The following KLHL26 variants were observed in gnomAD, a reference collection of about 807,000 sequenced individuals.
The protein encoded by KLHL26 is kelch-like protein 26.
Under a neutral mutation model 7.1 loss-of-function variants are expected in KLHL26, and 4 were observed. That is an observed-to-expected ratio of 0.56 (90% CI 0.28 to 1.28). The LOEUF (loss-of-function observed/expected upper bound fraction) is 1.28. KLHL26 is among the 50% of genes most tolerant of loss of function. KLHL26 has a pLI of 0.11. For missense variants in KLHL26, 896 were observed against 924.6 expected (o/e 0.97, Z 0.40); for synonymous variants, 465 against 414.1 (o/e 1.12, Z -1.49).
At chr19:18,643,775 G>A (rs1976756311) in intron 1 of KLHL26, among the ~76,000 whole-genome samples, 1 of 152,052 alleles carries the variant, frequency 6.6e-6, no homozygotes, top group African/African-American at 2.4e-5. Flanking sequence ...ACTGTGTCCG[G>A]CCAAGATGGG....
rs529489142 is a variant in KLHL26 at position 18,660,454 on chromosome 19, C to T, written c.84-3807C>T. ...GACTCACGTGCGGGTGACCGTCACT[C>T]GAGTGGCCGTCTGGAGACTCGGACC... On this transcript the variant is annotated intron_variant, in intron 1 of 2. Coordinates refer to ENST00000300976, the MANE Select transcript of KLHL26 (RefSeq NM_018316.3). 3.3e-5 allele frequency among the ~76,000 whole-genome samples: 5 copies of T among 152,304 alleles called. No individual in the cohort carries two copies. The South Asian group carries it at 8.3e-4, about 25-fold the overall frequency.
chr19:18,668,356 C>G lies in KLHL26; in HGVS notation c.959C>G (p.Thr320Ser). The change falls in exon 3 of 3, where the codon ACC (threonine) becomes AGC (serine). Residue 320 changes from threonine to serine, a missense_variant. Physicochemically the swap from Thr to Ser is moderately conservative, Grantham distance 58 (BLOSUM62 1). Transcript: ENST00000300976. ...GTCACCTTCGGCGGCACGCCCTACACCGACAGCGACCGCTCGGTCAGCAGC... is the reference window on the plus strand; with the variant it reads ...GTCACCTTCGGCGGCACGCCCTACAGCGACAGCGACCGCTCGGTCAGCAGC... ...SLVTFGGTPYTDSDRSVSSKV... is the reference protein window; with the variant it reads ...SLVTFGGTPYSDSDRSVSSKV... The G allele has an allele frequency of 1.2e-6, 2 of 1,607,728 alleles. No individual in the cohort carries two copies. Among genetic ancestry groups the G allele is most frequent in the Non-Finnish European group, 1.7e-6 (2 of 1,178,788 alleles).
intron 2 of KLHL26, 169 bp from the exon 3 acceptor site, chr19:18,667,495 C>T (rs1223721830): frequency 2.1e-5 from 25 of 1,214,392 alleles, no homozygotes; most frequent in African/African-American, 6.1e-5. Context: ...TGAGCCACCG[C>T]GCCCGGCCCC....
chr19:18,659,393 C>A (rs572920417), intron 1 of KLHL26, among the ~76,000 whole-genome samples: 3 of 152,222 alleles, frequency 2.0e-5, no homozygotes, highest in African/African-American at 7.2e-5. Flanking sequence ...TCGCATCAGC[C>A]GGGGTGGGAG....
chr19:18,647,465 G>A (rs540851451), intron 1 of KLHL26, among the ~76,000 whole-genome samples: 44 of 152,066 alleles, frequency 2.9e-4, no homozygotes, highest in Non-Finnish European at 5.6e-4. Flanking sequence ...ATATTTGTGT[G>A]TGTGTGTGTG....
chr19:18,637,482 A>C (rs1976640165), intron 1 of KLHL26, among the ~76,000 whole-genome samples: 2 of 151,788 alleles, frequency 1.3e-5, no homozygotes, highest in Non-Finnish European at 2.9e-5. Context: ...GGGCCTGAGC[A>C]GGGGCCATGC....
In KLHL26 at chr19:18,637,047, G is replaced by C; in HGVS notation, c.-8G>C. The C allele has an allele frequency of 7.4e-7, 1 of 1,348,250 alleles. No homozygotes were observed. The highest frequency in any genetic ancestry group is 3.1e-5 in the East Asian group (1 of 32,236). The allele number at this position is 1,348,250 out of a possible 1,614,324, so 83.5% of individuals were successfully genotyped here. On this transcript the variant is annotated 5_prime_UTR_variant, in exon 1 of 3. Coordinates refer to ENST00000300976, the MANE Select transcript of KLHL26 (RefSeq NM_018316.3). The stretch of plus-strand genomic sequence containing the variant: ...CCCGTCACTCGAACGCGCGACGGCG[G>C]GGGGAAGATGGCGGAGTCCGGCGGT...
intron 1 of KLHL26, 25 bp downstream of exon 1, chr19:18,637,162 C>T: frequency 7.7e-7 from 1 of 1,299,288 alleles, no homozygotes; most frequent in African/African-American, 1.5e-5. Context: ...GCAGGATAGA[C>T]CTGCACCTGT....
At chr19:18,637,730 G>A (rs932297910) in intron 1 of KLHL26, among the ~76,000 whole-genome samples, 2 of 151,558 alleles carry the variant, frequency 1.3e-5, no homozygotes, top group Non-Finnish European at 2.9e-5. Context: ...GGAACCTGAG[G>A]GGGGTGAGAG....
In KLHL26 at chr19:18,649,306, G is replaced by A. The variant is rs1976859206; in HGVS notation, c.83+12169G>A. ...TGGCACGGGATGGATGCTTTTGAGT[G>A]TAGATCCAGTGAGTACCCCACCCCG... On this transcript the variant is annotated intron_variant, in intron 1 of 2. Transcript: ENST00000300976. The surrounding 1 kb of genome is among the most constrained non-coding windows in gnomAD (Gnocchi z 4.0). Among the ~76,000 whole-genome samples the A allele has an allele frequency of 6.6e-6, 1 of 152,170 alleles. No individual in the cohort carries two copies. Among genetic ancestry groups the A allele is most frequent in the Admixed American group, 6.5e-5 (1 of 15,284 alleles).
intron 1 of KLHL26, among the ~76,000 whole-genome samples, chr19:18,657,473 G>T (rs1199903952): frequency 6.8e-6 from 1 of 147,314 alleles, no homozygotes; most frequent in Admixed American, 6.7e-5. Context: ...TCCATATCTG[G>T]GTCTCTGTCT....
At chr19:18,639,013 T>A (rs988806847) in intron 1 of KLHL26, among the ~76,000 whole-genome samples, 5 of 152,172 alleles carry the variant, frequency 3.3e-5, no homozygotes, top group African/African-American at 1.2e-4. Context: ...GCTCTTTTTT[T>A]ATAAACAGCT....
Position 18,668,800 on chromosome 19 carries a change from A to G in KLHL26, c.1403A>G (p.Tyr468Cys). The change falls in exon 3 of 3, where the codon TAC becomes TGC. Residue 468 changes from tyrosine to cysteine, a missense_variant. By Grantham distance (194) the Tyr-to-Cys change is radical. Transcript: ENST00000300976. ...SGGRLYISGG[Y>C]GISVEDKKAL... Reference sequence around the variant, plus strand: ...GGCCGCCTCTACATCTCGGGTGGCTACGGGATCTCAGTGGAGGACAAGAAG... The same window carrying G: ...GGCCGCCTCTACATCTCGGGTGGCTGCGGGATCTCAGTGGAGGACAAGAAG... 1 of 1,595,978 alleles carries G rather than the reference A, an allele frequency of 6.3e-7. No individual in the cohort carries two copies. The highest frequency in any genetic ancestry group is 1.1e-5 in the South Asian group (1 of 90,536).
At chr19:18,643,297 T>C (rs1600683378) in intron 1 of KLHL26, among the ~76,000 whole-genome samples, 2 of 151,208 alleles carry the variant, frequency 1.3e-5, no homozygotes, top group Admixed American at 6.6e-5. Flanking sequence ...ATACAAAAAT[T>C]AGCCAGGATT....
At chr19:18,664,584 CTCTT>C (rs1293021439) in intron 2 of KLHL26, 141 bp downstream of exon 2, 3 of 599,462 alleles carry the variant, frequency 5.0e-6, no homozygotes, top group East Asian at 6.3e-5. Context: ...GTACCGGCTG[CTCTT>C]TTTTTTTTTT....
At chr19:18,660,726 A>G (rs919884427) in intron 1 of KLHL26, among the ~76,000 whole-genome samples, 26 of 152,128 alleles carry the variant, frequency 1.7e-4, no homozygotes, top group Admixed American at 4.6e-4. Flanking sequence ...TGAGTTCCCC[A>G]GGAGGGGCTG....
chr19:18,668,071 A>ACCTGTT lies in KLHL26; in HGVS notation c.677_682dup (p.Leu226_Phe227dup). The ACCTGTT allele has an allele frequency of 6.2e-7, 1 of 1,606,388 alleles. No homozygotes were observed. Among genetic ancestry groups the ACCTGTT allele is most frequent in the Non-Finnish European group, 8.5e-7 (1 of 1,179,828 alleles). On this transcript the variant is annotated inframe_insertion, in exon 3 of 3. Coordinates refer to ENST00000300976, the MANE Select transcript of KLHL26 (RefSeq NM_018316.3). The stretch of plus-strand genomic sequence containing the variant: ...CGGCTGCAGAGCTGTGCCGAGATCG[A>ACCTGTT]CCTGTTCCGCGCGGCCGTCCGCTGG...
At chr19:18,643,528 T>C (rs1364570432) in intron 1 of KLHL26, among the ~76,000 whole-genome samples, 2 of 151,982 alleles carry the variant, frequency 1.3e-5, no homozygotes, top group East Asian at 1.9e-4. Context: ...GTCCAGGCTA[T>C]AGTGCAATGG....
At position 18,646,391 on chromosome 19, in the gene KLHL26, G is replaced by A. The variant is rs1976801476; in HGVS notation, c.83+9254G>A. Among the ~76,000 whole-genome samples the A allele has an allele frequency of 6.6e-6, 1 of 152,140 alleles. No homozygotes were observed. The highest frequency in any genetic ancestry group is 1.5e-5 in the Non-Finnish European group (1 of 68,012). On this transcript the variant is annotated intron_variant, in intron 1 of 2. Transcript: ENST00000300976. This position sits in a 1 kb window ranked among gnomAD's most constrained non-coding sequence, Gnocchi z 5.0. ...CCTGCCTTGGCCTCCCAAAGTGCTG[G>A]GATTACAGGCATGAGCCAGTGCGCC...
Sources: gnomAD v4.1 joint callset for allele counts (sites outside exome capture counted in the v4.1 genomes callset) on GRCh38, gnomAD v4.1.1 for gene constraint, Gnocchi (gnomAD v3.1) non-coding constraint, MANE v1.5 for transcripts, NCBI Gene and HGNC (gene_info 2026-07-23, HGNC 2026-07-21) for gene names.